Variants in LHFPL2 observed in about 807,000 individuals in gnomAD.
The protein encoded by LHFPL2 is LHFPL tetraspan subfamily member 2 protein.
LHFPL2 carries 7 observed loss-of-function variants against 17.5 expected under a neutral mutation model. The observed-to-expected ratio is 0.40, with a 90% CI of 0.23 to 0.75. LHFPL2 has a LOEUF of 0.75. Ranked by LOEUF, LHFPL2 falls within the 30% of genes least tolerant of loss-of-function variation. The probability of loss-of-function intolerance (pLI) is 0.37; values close to 1 mark genes in which losing one functional copy is unlikely to be tolerated. For synonymous variants in LHFPL2, 134 were observed against 116.2 expected, an observed-to-expected ratio of 1.15 and a Z score of -0.99; for missense variants, 241 against 294.8, an observed-to-expected ratio of 0.82 and a Z score of 1.34.
At chr5:78,599,608 C>T (rs1743942973) in intron 2 of LHFPL2, among the ~76,000 whole-genome samples, 1 of 151,946 alleles carries the variant, frequency 6.6e-6, no homozygotes, top group Non-Finnish European at 1.5e-5. Context: ...CACCCAGCCC[C>T]TACTTCTACC....
chr5:78,547,774 G>A (rs771287009), intron 3 of LHFPL2, among the ~76,000 whole-genome samples: 8 of 152,204 alleles, frequency 5.3e-5, no homozygotes, highest in East Asian at 1.9e-4. Flanking sequence ...CCGCCTCCTC[G>A]GTTTAACTGC....
At chr5:78,609,629 T>C (rs530780162) in intron 2 of LHFPL2, among the ~76,000 whole-genome samples, 41 of 152,208 alleles carry the variant, frequency 2.7e-4, no homozygotes, top group African/African-American at 8.9e-4. Flanking sequence ...TATGATCTCA[T>C]ACCTAAGGTT....
At chr5:78,581,967 A>C (rs1213384904) in intron 2 of LHFPL2, among the ~76,000 whole-genome samples, 2 of 152,260 alleles carry the variant, frequency 1.3e-5, no homozygotes, top group Admixed American at 1.3e-4. Flanking sequence ...ACAATTTCAG[A>C]TCCTGTTATT....
chr5:78,563,620 G>C (rs192763314), intron 3 of LHFPL2, among the ~76,000 whole-genome samples: 1 of 150,716 alleles, frequency 6.6e-6, no homozygotes, highest in Non-Finnish European at 1.5e-5. Flanking sequence ...AGAATCGCTT[G>C]AACCCAGGAG....
chr5:78,636,378 C>T (rs1001621905), intron 1 of LHFPL2, among the ~76,000 whole-genome samples: 2 of 152,232 alleles, frequency 1.3e-5, no homozygotes, highest in African/African-American at 2.4e-5. Context: ...TTCCACCTTT[C>T]GGGTAAGGAG....
At chr5:78,554,317 A>G (rs536373675) in intron 3 of LHFPL2, among the ~76,000 whole-genome samples, 1 of 152,376 alleles carries the variant, frequency 6.6e-6, no homozygotes, top group East Asian at 1.9e-4. Flanking sequence ...TGGTCTCAGA[A>G]GTGGTTAGTT....
At chr5:78,536,054 A>C (rs561203854) in intron 3 of LHFPL2, among the ~76,000 whole-genome samples, 51 of 152,274 alleles carry the variant, frequency 3.3e-4, no homozygotes, top group Non-Finnish European at 6.3e-4. Context: ...CACAGCTTCC[A>C]TACCAAAGCT....
At chr5:78,517,211 C>T (rs1286913811) in intron 3 of LHFPL2, among the ~76,000 whole-genome samples, 1 of 152,220 alleles carries the variant, frequency 6.6e-6, no homozygotes, top group Admixed American at 6.5e-5. Flanking sequence ...TGCCTCGCAG[C>T]CCCTCCCTCC....
intron 2 of LHFPL2, among the ~76,000 whole-genome samples, chr5:78,631,412 T>C (rs917337279): frequency 6.6e-6 from 1 of 152,180 alleles, no homozygotes; most frequent in African/African-American, 2.4e-5. Flanking sequence ...GGGATGAACG[T>C]TCTTCCACTT....
At chr5:78,580,228 G>A (rs969982663) in intron 2 of LHFPL2, among the ~76,000 whole-genome samples, 2 of 152,104 alleles carry the variant, frequency 1.3e-5, no homozygotes, top group African/African-American at 2.4e-5. Flanking sequence ...TGAGTTCATT[G>A]TAGATTTTGG....
At chr5:78,625,210 C>CAA (rs1208572491) in intron 2 of LHFPL2, 26 of 67,034 alleles carry the variant, frequency 3.9e-4, no homozygotes, top group African/African-American at 2.0e-3. Context: ...TATACGTACA[C>CAA]ACACACACAC....
chr5:78,600,431 A>G (rs572419926), intron 2 of LHFPL2, among the ~76,000 whole-genome samples: 1 of 152,274 alleles, frequency 6.6e-6, no homozygotes, highest in South Asian at 2.1e-4. Context: ...ATCAAATCAT[A>G]AAACTTTCAG....
chr5:78,542,606 C>T (rs1368751017), intron 3 of LHFPL2, among the ~76,000 whole-genome samples: 5 of 152,192 alleles, frequency 3.3e-5, no homozygotes, highest in Non-Finnish European at 7.3e-5. Flanking sequence ...TCCACATGCA[C>T]ACCTCTCGCC....
intron 2 of LHFPL2, among the ~76,000 whole-genome samples, chr5:78,604,537 T>A (rs979471192): frequency 1.3e-5 from 2 of 152,176 alleles, no homozygotes; most frequent in Non-Finnish European, 2.9e-5. Flanking sequence ...GAATTCAATC[T>A]GCTATAGTCT....
chr5:78,618,482 G>T (rs1407266822), intron 2 of LHFPL2, among the ~76,000 whole-genome samples: 1 of 152,156 alleles, frequency 6.6e-6, no homozygotes, highest in Non-Finnish European at 1.5e-5. Context: ...ATGTCAGTGG[G>T]GATAGCTGGA....
intron 2 of LHFPL2, among the ~76,000 whole-genome samples, chr5:78,579,816 G>A (rs1254166121): frequency 6.6e-6 from 1 of 152,056 alleles, no homozygotes; most frequent in Non-Finnish European, 1.5e-5. Context: ...GTGTGCATGT[G>A]TCTTTATAGC....
chr5:78,501,909 A>T (rs988645755), intron 4 of LHFPL2, among the ~76,000 whole-genome samples: 2 of 152,184 alleles, frequency 1.3e-5, no homozygotes, highest in Non-Finnish European at 2.9e-5. Context: ...ATTTTAGTAC[A>T]TGATCAATAA....
At chr5:78,514,550 C>A (rs1032817703) in intron 3 of LHFPL2, among the ~76,000 whole-genome samples, 1 of 152,148 alleles carries the variant, frequency 6.6e-6, no homozygotes, top group South Asian at 2.1e-4. Flanking sequence ...TCACTTAGAT[C>A]CCGGATCTGT....
chr5:78,489,613 G>A (rs908336708), intron 4 of LHFPL2, among the ~76,000 whole-genome samples: 9 of 152,116 alleles, frequency 5.9e-5, no homozygotes, highest in Non-Finnish European at 8.8e-5. Flanking sequence ...GCCCAGGCTG[G>A]TCTCAAACTC....
Sources: gnomAD v4.1 joint callset for allele counts (sites outside exome capture counted in the v4.1 genomes callset) on GRCh38, gnomAD v4.1.1 for gene constraint, MANE v1.5 for transcripts, NCBI Gene and HGNC (gene_info 2026-07-23, HGNC 2026-07-21) for gene names.